Variants in ERBB4 observed in about 807,000 individuals in gnomAD.
ERBB4 encodes the protein receptor tyrosine-protein kinase erbB-4.
Under a neutral mutation model 158.0 loss-of-function variants are expected in ERBB4, and 42 were observed. The ratio of observed to expected loss-of-function variants is 0.27; its 90% CI spans 0.21 to 0.34. ERBB4 has a LOEUF of 0.34. ERBB4 is among the 10% of genes least tolerant of loss of function. The probability of loss-of-function intolerance (pLI) is 1.00; values close to 1 mark genes in which losing one functional copy is unlikely to be tolerated. For missense variants in ERBB4, 1,333 were observed against 1,624.1 expected (o/e 0.82, Z 3.08); for synonymous variants, 583 against 558.7 (o/e 1.04, Z -0.61).
chr2:212,328,456 A>G (rs977481946), intron 1 of ERBB4, among the ~76,000 whole-genome samples: 2 of 152,028 alleles, frequency 1.3e-5, no homozygotes, highest in African/African-American at 2.4e-5. Flanking sequence ...AGGAATTTTG[A>G]CTTCATCTTG....
intron 19 of ERBB4, among the ~76,000 whole-genome samples, chr2:211,592,732 C>A (rs1184606644): frequency 6.6e-6 from 1 of 152,138 alleles, no homozygotes; most frequent in Non-Finnish European, 1.5e-5. Context: ...AAAGGGCCAG[C>A]TGGGCATGGT....
intron 1 of ERBB4, among the ~76,000 whole-genome samples, chr2:212,240,021 C>A (rs1373509601): frequency 6.6e-6 from 1 of 152,112 alleles, no homozygotes; most frequent in Non-Finnish European, 1.5e-5. Flanking sequence ...CATATTGTTA[C>A]TTCTGTAGCT....
At chr2:211,630,234 C>G (rs1019345598) in intron 17 of ERBB4, among the ~76,000 whole-genome samples, 1 of 152,134 alleles carries the variant, frequency 6.6e-6, no homozygotes, top group Non-Finnish European at 1.5e-5. Flanking sequence ...GATACTTTCC[C>G]CAATACAATA....
At chr2:211,898,897 C>A (rs992602908) in intron 3 of ERBB4, among the ~76,000 whole-genome samples, 2 of 152,062 alleles carry the variant, frequency 1.3e-5, no homozygotes, top group African/African-American at 4.8e-5. Flanking sequence ...ATTTATAGAC[C>A]AGTATTAAAA....
At chr2:211,852,135 C>T (rs1230657019) in intron 3 of ERBB4, among the ~76,000 whole-genome samples, 1 of 151,820 alleles carries the variant, frequency 6.6e-6, no homozygotes, top group Non-Finnish European at 1.5e-5. Flanking sequence ...TTGAATGCTT[C>T]CAATATCTTC....
chr2:211,718,376 G>A (rs2073991833), intron 7 of ERBB4, among the ~76,000 whole-genome samples: 1 of 152,006 alleles, frequency 6.6e-6, no homozygotes, highest in African/African-American at 2.4e-5. Context: ...AAAATGCTTG[G>A]GACCAGATGT....
intron 1 of ERBB4, among the ~76,000 whole-genome samples, chr2:212,377,210 T>A (rs2090353342): frequency 6.8e-6 from 1 of 148,046 alleles, no homozygotes; most frequent in South Asian, 2.1e-4. Flanking sequence ...TATATATATA[T>A]ATATGAATAT....
chr2:211,431,489 C>T (rs978930560), intron 20 of ERBB4, among the ~76,000 whole-genome samples: 7 of 152,128 alleles, frequency 4.6e-5, no homozygotes, highest in East Asian at 1.9e-4. Flanking sequence ...TTCTGCTTCA[C>T]GTCATCTTCC....
chr2:211,985,333 GTCTTTT>G (rs1292470568), intron 2 of ERBB4, among the ~76,000 whole-genome samples: 1 of 152,172 alleles, frequency 6.6e-6, no homozygotes, highest in African/African-American at 2.4e-5. Flanking sequence ...TGGAAAAAAA[GTCTTTT>G]TCTTTACTCT....
At chr2:212,450,199 A>G (rs1240760453) in intron 1 of ERBB4, among the ~76,000 whole-genome samples, 9 of 152,208 alleles carry the variant, frequency 5.9e-5, no homozygotes, top group Admixed American at 5.9e-4. Context: ...GAGAAAAAGT[A>G]TGACTATATC....
At chr2:211,796,216 C>T (rs1039506310) in intron 3 of ERBB4, among the ~76,000 whole-genome samples, 1 of 151,854 alleles carries the variant, frequency 6.6e-6, no homozygotes, top group Non-Finnish European at 1.5e-5. Context: ...ATAATGTGTG[C>T]TTATTTTTGT....
chr2:212,149,957 T>G (rs1320517629), intron 1 of ERBB4, among the ~76,000 whole-genome samples: 1 of 152,166 alleles, frequency 6.6e-6, no homozygotes, highest in African/African-American at 2.4e-5. Context: ...AACACTTAAC[T>G]CCAGTATCTA....
chr2:212,031,966 G>C (rs910964171), intron 2 of ERBB4, among the ~76,000 whole-genome samples: 1 of 152,016 alleles, frequency 6.6e-6, no homozygotes, highest in Non-Finnish European at 1.5e-5. Flanking sequence ...GAGCCTGCAG[G>C]GAAAGCAACT....
At chr2:211,469,036 C>T (rs528224766) in intron 20 of ERBB4, among the ~76,000 whole-genome samples, 5 of 151,888 alleles carry the variant, frequency 3.3e-5, no homozygotes, top group Admixed American at 6.6e-5. Flanking sequence ...GCTGAGGCTG[C>T]GTGCAGAAGT....
At chr2:211,565,813 A>C (rs1398391022) in intron 19 of ERBB4, among the ~76,000 whole-genome samples, 1 of 152,224 alleles carries the variant, frequency 6.6e-6, no homozygotes, top group Non-Finnish European at 1.5e-5. Context: ...GAGTGATAGA[A>C]GACCAAACAA....
intron 4 of ERBB4, among the ~76,000 whole-genome samples, chr2:211,754,071 A>G (rs1186357442): frequency 6.6e-6 from 1 of 151,930 alleles, no homozygotes; most frequent in Non-Finnish European, 1.5e-5. Flanking sequence ...TGTGTTAGCC[A>G]GGATGGTCTC....
intron 1 of ERBB4, among the ~76,000 whole-genome samples, chr2:212,470,065 G>A (rs1364357905): frequency 6.6e-6 from 1 of 151,878 alleles, no homozygotes; most frequent in Non-Finnish European, 1.5e-5. Flanking sequence ...TATCACATAA[G>A]TTCACAATAT....
chr2:212,028,460 A>G (rs1348250083), intron 2 of ERBB4, among the ~76,000 whole-genome samples: 1 of 152,140 alleles, frequency 6.6e-6, no homozygotes, highest in Non-Finnish European at 1.5e-5. Context: ...AAGTTTCAGA[A>G]AGACAAATTT....
At position 211,940,443 on chromosome 2, in the gene ERBB4, C is replaced by A. The variant is rs568268152; in HGVS notation, c.421+6987G>T. Among the ~76,000 whole-genome samples the A allele has an allele frequency of 8.5e-5, 13 of 152,144 alleles. No individual in the cohort carries two copies. In the South Asian group the frequency reaches 2.7e-3, roughly 32 times the overall value. ...CATTTTTTTCCTTAGGATATATAAGCTTCCTCTCTTAGGGAAGGGAGAAGA... is the reference window on the plus strand; with the variant it reads ...CATTTTTTTCCTTAGGATATATAAGATTCCTCTCTTAGGGAAGGGAGAAGA... On this transcript the variant is annotated intron_variant, in intron 3 of 27. Transcript: ENST00000342788.
Sources: allele counts gnomAD v4.1 joint callset (sites outside exome capture counted in the v4.1 genomes callset), GRCh38; gene constraint gnomAD v4.1.1; transcripts MANE v1.5; gene names NCBI Gene and HGNC (gene_info 2026-07-23, HGNC 2026-07-21).